Variants in KLHL29 observed in about 807,000 individuals in gnomAD.
KLHL29 encodes kelch like family member 29.
A neutral mutation model predicts 80.4 loss-of-function variants in KLHL29; 21 were observed. The ratio of observed to expected loss-of-function variants is 0.26; its 90% CI spans 0.19 to 0.38. The LOEUF (loss-of-function observed/expected upper bound fraction) is 0.38. Among genes scored for constraint, KLHL29 ranks in the 10% least tolerant of loss-of-function variants. The probability of loss-of-function intolerance (pLI) is 1.00; values close to 1 mark genes in which losing one functional copy is unlikely to be tolerated. For missense variants in KLHL29, 867 were observed against 1,223.9 expected, an observed-to-expected ratio of 0.71 and a Z score of 4.35; for synonymous variants, 511 against 526.8, an observed-to-expected ratio of 0.97 and a Z score of 0.41.
At chr2:23,489,036 C>G (rs1483640673) in intron 2 of KLHL29, among the ~76,000 whole-genome samples, 2 of 152,100 alleles carry the variant, frequency 1.3e-5, no homozygotes, top group Non-Finnish European at 2.9e-5. Flanking sequence ...GACAGATTGA[C>G]AGAAAATAAA....
In KLHL29 at chr2:23,695,568, G is replaced by C; in HGVS notation, c.1543-55G>C. On this transcript the variant is annotated intron_variant, in intron 8 of 13. Coordinates refer to ENST00000486442, the MANE Select transcript of KLHL29 (RefSeq NM_052920.2). This position sits in a 1 kb window ranked among gnomAD's most constrained non-coding sequence, Gnocchi z 7.6. ...AGCCCCACACCATTTCTTTCCGTCCGGGAGGTGGCTCTCTCTTGCTAGTCT... is the reference window on the plus strand; with the variant it reads ...AGCCCCACACCATTTCTTTCCGTCCCGGAGGTGGCTCTCTCTTGCTAGTCT... 2 of 1,252,524 alleles carry C rather than the reference G, an allele frequency of 1.6e-6. No individual in the cohort carries two copies. The highest frequency in any genetic ancestry group is 2.2e-6 in the Non-Finnish European group (2 of 905,122). The allele number at this position is 1,252,524 out of a possible 1,614,324, so 77.6% of individuals were successfully genotyped here. A position where few individuals can be genotyped will look rare whatever the true frequency, so the allele number is the denominator to read the frequency against.
At chr2:23,532,576 G>T (rs1666525911) in intron 2 of KLHL29, 1 of 456,618 alleles carries the variant, frequency 2.2e-6, no homozygotes, top group Non-Finnish European at 4.4e-6. Context: ...TTCCTTTGAA[G>T]CTAAAACACT....
chr2:23,408,993 G>A (rs1221257656), intron 1 of KLHL29, among the ~76,000 whole-genome samples: 1 of 152,116 alleles, frequency 6.6e-6, no homozygotes, highest in Admixed American at 6.5e-5. Flanking sequence ...CTTGTTGGGG[G>A]GTGTGTGAGG....
chr2:23,540,192 C>T (rs1311680440), intron 2 of KLHL29, among the ~76,000 whole-genome samples: 1 of 152,190 alleles, frequency 6.6e-6, no homozygotes, highest in Non-Finnish European at 1.5e-5. Flanking sequence ...ACCTGCCCAG[C>T]CCCCCAGAAG....
chr2:23,455,007 G>GT (rs1041160225), intron 1 of KLHL29, among the ~76,000 whole-genome samples: 6 of 137,962 alleles, frequency 4.3e-5, no homozygotes, highest in East Asian at 2.2e-4. Flanking sequence ...GGGTTGGGGG[G>GT]GGGGCATTTA....
chr2:23,693,508 G>A lies in KLHL29; in HGVS notation c.1522G>A (p.Asp508Asn), dbSNP rs1418757894. The A allele has an allele frequency of 6.4e-7, 1 of 1,550,558 alleles. No homozygotes were observed. Among genetic ancestry groups the A allele is most frequent in the Non-Finnish European group, 8.7e-7 (1 of 1,146,214 alleles). The stretch of plus-strand genomic sequence containing the variant: ...GACAGTCATCAAGTGGATCAAGAAG[G>A]ACCCCGCGACACGCACACAGGTGGG... ...YETVIKWIKKDPATRTQYAAE... is the reference protein window; with the variant it reads ...YETVIKWIKKNPATRTQYAAE... Residue 508 changes from aspartate (D) to asparagine (N), a missense_variant, in exon 8 of 14, where the codon GAC (aspartate) becomes AAC (asparagine). Around this residue, in one of 2 missense-constraint regions of KLHL29, gnomAD observed 443 missense variants for 767.0 expected, o/e 0.58. Transcript: ENST00000486442.
At chr2:23,508,506 C>T (rs1665670935) in intron 2 of KLHL29, among the ~76,000 whole-genome samples, 4 of 152,244 alleles carry the variant, frequency 2.6e-5, no homozygotes, top group Admixed American at 2.6e-4. Context: ...CTCAGAAGCA[C>T]ACCTGTGCTC....
chr2:23,447,580 A>C (rs1418234187), intron 1 of KLHL29, among the ~76,000 whole-genome samples: 2 of 152,206 alleles, frequency 1.3e-5, no homozygotes, highest in African/African-American at 4.8e-5. Flanking sequence ...TAACGCTGAT[A>C]ATGGCCTTGG....
chr2:23,449,822 G>A (rs150313199), intron 1 of KLHL29, among the ~76,000 whole-genome samples: 15 of 152,256 alleles, frequency 9.9e-5, no homozygotes, highest in African/African-American at 3.6e-4. Context: ...TAGCTTGGAT[G>A]AGAGGCGTGG....
At chr2:23,607,769 A>G (rs1385864019) in intron 3 of KLHL29, among the ~76,000 whole-genome samples, 2 of 152,212 alleles carry the variant, frequency 1.3e-5, no homozygotes, top group Non-Finnish European at 2.9e-5. Flanking sequence ...TGAGAATCTA[A>G]TACCCGATGA....
At chr2:23,642,255 AC>A in intron 4 of KLHL29, 82 bp from the exon 5 acceptor site, 1 of 1,270,384 alleles carries the variant, frequency 7.9e-7, no homozygotes, top group African/African-American at 1.5e-5. Context: ...GTGACCTAGC[AC>A]CCAGTGCAGG....
intron 2 of KLHL29, among the ~76,000 whole-genome samples, chr2:23,495,245 C>A (rs1665228583): frequency 6.6e-6 from 1 of 151,934 alleles, no homozygotes; most frequent in Non-Finnish European, 1.5e-5. Flanking sequence ...GGAGGTGGTC[C>A]CTGTAGTGAC....
chr2:23,389,351 G>A (rs1226017478), intron 1 of KLHL29, among the ~76,000 whole-genome samples: 2 of 152,128 alleles, frequency 1.3e-5, no homozygotes, highest in Non-Finnish European at 2.9e-5. Flanking sequence ...ATCAAGGCAA[G>A]CATTAGCACG....
rs1209656870 is a variant in KLHL29, at chr2:23,682,215, C to T, written c.941-2184C>T. ...AATTCCGGCCTTCTCACCTCTCCCT[C>T]GGAAAGACCGTCACCATCAGCAGCA... is the stretch of plus-strand genomic sequence containing the variant. On this transcript the variant is annotated intron_variant, in intron 5 of 13. Coordinates refer to ENST00000486442, the MANE Select transcript of KLHL29 (RefSeq NM_052920.2). This position sits in a 1 kb window ranked among gnomAD's most constrained non-coding sequence, Gnocchi z 4.1. Among the ~76,000 whole-genome samples, 3 of 152,190 alleles carry T rather than the reference C, an allele frequency of 2.0e-5. 1 individual carries two copies. The highest frequency in any genetic ancestry group is 4.1e-4 in the South Asian group (2 of 4,832).
At chr2:23,590,105 G>A (rs1368183660) in intron 3 of KLHL29, among the ~76,000 whole-genome samples, 1 of 152,256 alleles carries the variant, frequency 6.6e-6, no homozygotes, top group Non-Finnish European at 1.5e-5. Context: ...CCTAGAGAGG[G>A]AAGGGAGACG....
intron 3 of KLHL29, among the ~76,000 whole-genome samples, chr2:23,583,348 A>G (rs1217515720): frequency 1.3e-5 from 2 of 152,218 alleles, no homozygotes. Context: ...TGATGCTGTG[A>G]GTTTAATCCA....
At chr2:23,498,011 A>G (rs1364758183) in intron 2 of KLHL29, among the ~76,000 whole-genome samples, 1 of 151,552 alleles carries the variant, frequency 6.6e-6, no homozygotes, top group East Asian at 1.9e-4. Flanking sequence ...TGTTTTGATA[A>G]ACTTATAGAT....
chr2:23,671,164 G>A (rs531959889), intron 5 of KLHL29, among the ~76,000 whole-genome samples: 49 of 151,564 alleles, frequency 3.2e-4, no homozygotes, highest in Non-Finnish European at 5.4e-4. Context: ...TGTACTCCTG[G>A]CTCTGGTTCA....
intron 1 of KLHL29, among the ~76,000 whole-genome samples, chr2:23,431,724 T>A (rs1321708815): frequency 6.6e-6 from 1 of 152,086 alleles, no homozygotes; most frequent in African/African-American, 2.4e-5. Context: ...AAACCCCGTC[T>A]CTACTAAAAG....
Sources: allele counts gnomAD v4.1 joint callset (sites outside exome capture counted in the v4.1 genomes callset), GRCh38; gene constraint gnomAD v4.1.1; regional missense constraint gnomAD v4.1.1; non-coding constraint Gnocchi (gnomAD v3.1); transcripts MANE v1.5; gene names NCBI Gene and HGNC (gene_info 2026-07-23, HGNC 2026-07-21).